The following MACROD2 variants were observed in gnomAD, a reference collection of about 807,000 sequenced individuals.
MACROD2 encodes the protein mono-ADP ribosylhydrolase 2.
Under a neutral mutation model 70.4 loss-of-function variants are expected in MACROD2, and 36 were observed. The ratio of observed to expected loss-of-function variants is 0.51; its 90% CI spans 0.39 to 0.68. The LOEUF (loss-of-function observed/expected upper bound fraction) is 0.68, where lower values mean the gene tolerates loss of function less well. Among genes scored for constraint, MACROD2 ranks in the 30% least tolerant of loss-of-function variants. MACROD2 has a pLI of 0.00. For synonymous variants in MACROD2, 172 were observed against 178.8 expected, an observed-to-expected ratio of 0.96 and a Z score of 0.30; for missense variants, 496 against 538.4, an observed-to-expected ratio of 0.92 and a Z score of 0.78.
intron 4 of MACROD2, among the ~76,000 whole-genome samples, chr20:14,606,598 T>A (rs1232946648): frequency 6.6e-6 from 1 of 152,182 alleles, no homozygotes; most frequent in Non-Finnish European, 1.5e-5. Context: ...ATTATTATTG[T>A]TTTATGTCAG....
At chr20:15,982,960 G>A (rs1000750917) in intron 13 of MACROD2, among the ~76,000 whole-genome samples, 3 of 152,178 alleles carry the variant, frequency 2.0e-5, no homozygotes, top group Admixed American at 1.3e-4. Flanking sequence ...CCTTGGCCAG[G>A]GCCTTACAGT....
At chr20:15,543,670 C>T (rs1033150800) in intron 8 of MACROD2, among the ~76,000 whole-genome samples, 22 of 151,938 alleles carry the variant, frequency 1.4e-4, no homozygotes, top group African/African-American at 5.3e-4. Context: ...TAAGCACTTG[C>T]AAATTATGTG....
chr20:14,049,788 A>T (rs924115106), intron 2 of MACROD2, among the ~76,000 whole-genome samples: 1 of 150,624 alleles, frequency 6.6e-6, no homozygotes, highest in African/African-American at 2.4e-5. Flanking sequence ...CTAAACAAAC[A>T]AAAAACAAAA....
chr20:14,233,777 T>A (rs1287554626), intron 3 of MACROD2, among the ~76,000 whole-genome samples: 1 of 149,486 alleles, frequency 6.7e-6, no homozygotes, highest in African/African-American at 2.5e-5. Flanking sequence ...CTTAAATGCC[T>A]ATTACTAAGT....
chr20:14,597,741 T>C (rs1982236600), intron 4 of MACROD2, among the ~76,000 whole-genome samples: 1 of 152,146 alleles, frequency 6.6e-6, no homozygotes, highest in Non-Finnish European at 1.5e-5. Flanking sequence ...CCTTTTCCTT[T>C]TTTTGGTAAA....
intron 10 of MACROD2, among the ~76,000 whole-genome samples, chr20:15,913,799 A>G (rs1431373235): frequency 1.3e-5 from 2 of 152,240 alleles, no homozygotes; most frequent in Non-Finnish European, 2.9e-5. Context: ...GTAAAGTCTC[A>G]TATTTATTTA....
chr20:14,328,801 G>A (rs2082781515), intron 3 of MACROD2: 1 of 152,100 alleles, frequency 6.6e-6, no homozygotes, highest in African/African-American at 2.4e-5. Flanking sequence ...GCTCATTAAA[G>A]TGGGGGCAGA....
intron 5 of MACROD2, among the ~76,000 whole-genome samples, chr20:15,213,564 A>G (rs912888335): frequency 3.3e-5 from 5 of 152,110 alleles, no homozygotes; most frequent in African/African-American, 1.2e-4. Context: ...GCAGGGAAAC[A>G]TGGAGTAAGT....
At chr20:14,831,225 T>C (rs2072961508) in intron 5 of MACROD2, among the ~76,000 whole-genome samples, 1 of 152,142 alleles carries the variant, frequency 6.6e-6, no homozygotes, top group Non-Finnish European at 1.5e-5. Context: ...TACTCTGGAT[T>C]CCTACCTGTG....
At chr20:14,798,899 G>A (rs1384555619) in intron 5 of MACROD2, among the ~76,000 whole-genome samples, 2 of 151,816 alleles carry the variant, frequency 1.3e-5, no homozygotes, top group African/African-American at 4.8e-5. Flanking sequence ...TTCAGATTTT[G>A]TATGATGCAA....
At chr20:15,462,557 T>C (rs1452662255) in intron 7 of MACROD2, among the ~76,000 whole-genome samples, 1 of 152,236 alleles carries the variant, frequency 6.6e-6, no homozygotes, top group Non-Finnish European at 1.5e-5. Context: ...GCAAGTTCTA[T>C]TAATATTATA....
intron 8 of MACROD2, among the ~76,000 whole-genome samples, chr20:15,695,738 A>G (rs1225176761): frequency 3.9e-5 from 6 of 151,908 alleles, no homozygotes; most frequent in Non-Finnish European, 7.4e-5. Flanking sequence ...AGTGTTTTGT[A>G]GTTTTCCTTG....
At chr20:16,012,384 G>T (rs574276813) in intron 15 of MACROD2, among the ~76,000 whole-genome samples, 43 of 152,292 alleles carry the variant, frequency 2.8e-4, no homozygotes, top group South Asian at 6.2e-4. Flanking sequence ...AAATTACCTG[G>T]GAGTGTTCAA....
chr20:15,440,128 A>G (rs1393828399), intron 7 of MACROD2, among the ~76,000 whole-genome samples: 1 of 152,216 alleles, frequency 6.6e-6, no homozygotes, highest in African/African-American at 2.4e-5. Flanking sequence ...ATGAGAGTCA[A>G]TATAGTTAAC....
chr20:15,650,295 A>G (rs1041858771), intron 8 of MACROD2, among the ~76,000 whole-genome samples: 2 of 152,210 alleles, frequency 1.3e-5, no homozygotes, highest in African/African-American at 4.8e-5. Context: ...ATAAATGACA[A>G]TGTATACCAG....
At chr20:14,975,503 G>T (rs1000371715) in intron 5 of MACROD2, among the ~76,000 whole-genome samples, 1 of 152,092 alleles carries the variant, frequency 6.6e-6, no homozygotes, top group East Asian at 1.9e-4. Context: ...CCTTCGACAG[G>T]TGGGTTTAAG....
chr20:14,941,814 C>T (rs1033527768), intron 5 of MACROD2, among the ~76,000 whole-genome samples: 1 of 151,166 alleles, frequency 6.6e-6, no homozygotes, highest in South Asian at 2.1e-4. Flanking sequence ...GTCAGGGTCT[C>T]ACTGTATCAC....
chr20:15,669,788 G>A (rs1263279543), intron 8 of MACROD2, among the ~76,000 whole-genome samples: 1 of 152,214 alleles, frequency 6.6e-6, no homozygotes, highest in Admixed American at 6.5e-5. Flanking sequence ...TAAGAAAATT[G>A]TCAAGAGGTA....
At chr20:14,015,251 A>G (rs2052971521) in intron 2 of MACROD2, among the ~76,000 whole-genome samples, 1 of 152,166 alleles carries the variant, frequency 6.6e-6, no homozygotes, top group South Asian at 2.1e-4. Context: ...TGCGACAATC[A>G]CCAGTATCCA....
Sources: gnomAD v4.1 joint callset for allele counts (sites outside exome capture counted in the v4.1 genomes callset) on GRCh38, gnomAD v4.1.1 for gene constraint, MANE v1.5 for transcripts, NCBI Gene and HGNC (gene_info 2026-07-23, HGNC 2026-07-21) for gene names.